HIBADH: variants seen among roughly 807,000 people sequenced by gnomAD.
HIBADH encodes 3-hydroxyisobutyrate dehydrogenase.
Under a neutral mutation model 36.1 loss-of-function variants are expected in HIBADH, and 25 were observed. The observed-to-expected ratio is 0.69, with a 90% CI of 0.50 to 0.97. The LOEUF (loss-of-function observed/expected upper bound fraction) is 0.97. Among genes scored for constraint, HIBADH ranks in the 50% least tolerant of loss-of-function variants. HIBADH has a pLI of 0.00. For missense variants in HIBADH, 421 were observed against 418.0 expected (o/e 1.01, Z -0.06); for synonymous variants, 160 against 149.5 (o/e 1.07, Z -0.51).
intron 4 of HIBADH, among the ~76,000 whole-genome samples, chr7:27,611,081 G>A (rs547382586): frequency 7.9e-5 from 12 of 152,148 alleles, no homozygotes; most frequent in Non-Finnish European, 1.2e-4. Flanking sequence ...ACTCAGCCAA[G>A]TAGAGTATAA....
At chr7:27,650,867 G>A (rs928139015) in intron 1 of HIBADH, among the ~76,000 whole-genome samples, 5 of 152,074 alleles carry the variant, frequency 3.3e-5, no homozygotes, top group African/African-American at 1.2e-4. Context: ...AATAGCGTTA[G>A]ATGCAATTTT....
At chr7:27,654,610 C>A (rs993441961) in intron 1 of HIBADH, among the ~76,000 whole-genome samples, 1 of 151,730 alleles carries the variant, frequency 6.6e-6, no homozygotes, top group African/African-American at 2.4e-5. Flanking sequence ...AATCTATAAC[C>A]AAGAAAAATA....
intron 4 of HIBADH, among the ~76,000 whole-genome samples, chr7:27,611,622 C>T (rs1396218107): frequency 6.6e-6 from 1 of 152,140 alleles, no homozygotes; most frequent in African/African-American, 2.4e-5. Flanking sequence ...GTTAATAGGG[C>T]ATCATACTTA....
chr7:27,528,576 CCTAA>C (rs1783947505), intron 7 of HIBADH, among the ~76,000 whole-genome samples: 2 of 152,110 alleles, frequency 1.3e-5, no homozygotes, highest in African/African-American at 4.8e-5. Context: ...AGAACAAGGC[CCTAA>C]CTTTCTTCAA....
chr7:27,529,903 G>C (rs1783966463), intron 7 of HIBADH, among the ~76,000 whole-genome samples: 1 of 152,146 alleles, frequency 6.6e-6, no homozygotes, highest in South Asian at 2.1e-4. Flanking sequence ...CGCCACCCTG[G>C]TCAATCACCA....
chr7:27,599,490 G>A (rs1345733168), intron 4 of HIBADH, among the ~76,000 whole-genome samples: 1 of 151,806 alleles, frequency 6.6e-6, no homozygotes, highest in East Asian at 1.9e-4. Flanking sequence ...AGACGATCCT[G>A]GCTAACACGG....
intron 7 of HIBADH, among the ~76,000 whole-genome samples, chr7:27,529,460 A>G (rs1038591965): frequency 1.3e-5 from 2 of 152,214 alleles, no homozygotes; most frequent in Non-Finnish European, 2.9e-5. Context: ...GCTGATTCCA[A>G]TGCTCATGGA....
At chr7:27,555,229 A>G (rs373778283) in intron 4 of HIBADH, among the ~76,000 whole-genome samples, 1 of 151,934 alleles carries the variant, frequency 6.6e-6, no homozygotes, top group African/African-American at 2.4e-5. Context: ...TAATGGTGGT[A>G]ATTTAAGTGG....
chr7:27,559,603 GC>G (rs1392843369), intron 4 of HIBADH, among the ~76,000 whole-genome samples: 1 of 152,072 alleles, frequency 6.6e-6, no homozygotes, highest in Non-Finnish European at 1.5e-5. Flanking sequence ...CTGCAGAGCA[GC>G]CCAGCCTAGG....
chr7:27,642,131 A>G (rs1379178912), intron 2 of HIBADH, among the ~76,000 whole-genome samples: 7 of 152,214 alleles, frequency 4.6e-5, no homozygotes, highest in Non-Finnish European at 8.8e-5. Context: ...ACCCAGTGAC[A>G]TATTGCAAGG....
At chr7:27,600,204 A>G (rs1158926449) in intron 4 of HIBADH, among the ~76,000 whole-genome samples, 1 of 152,052 alleles carries the variant, frequency 6.6e-6, no homozygotes, top group Non-Finnish European at 1.5e-5. Context: ...ATAACAATCT[A>G]CCCTTTTAAA....
intron 4 of HIBADH, among the ~76,000 whole-genome samples, chr7:27,560,484 A>G (rs1229497346): frequency 6.6e-6 from 1 of 152,180 alleles, no homozygotes; most frequent in East Asian, 1.9e-4. Context: ...GTTTTTGGTT[A>G]CATGGATGAA....
intron 7 of HIBADH, among the ~76,000 whole-genome samples, chr7:27,530,931 C>T (rs372773721): frequency 1.3e-5 from 2 of 151,792 alleles, no homozygotes; most frequent in African/African-American, 2.4e-5. Flanking sequence ...AACCCAAGTG[C>T]GCACACACAC....
intron 4 of HIBADH, among the ~76,000 whole-genome samples, chr7:27,592,542 T>C (rs992594725): frequency 2.0e-5 from 3 of 152,192 alleles, no homozygotes; most frequent in African/African-American, 7.2e-5. Flanking sequence ...CCATTCATCC[T>C]ATGAGTTATT....
chr7:27,526,413 TA>T, intron 7 of HIBADH, 41 bp from the exon 8 acceptor site: 2 of 1,548,238 alleles, frequency 1.3e-6, no homozygotes, highest in South Asian at 1.2e-5. Flanking sequence ...AGACTGGTGG[TA>T]AAGGCTCTTT....
At chr7:27,563,001 A>G (rs983214200) in intron 4 of HIBADH, among the ~76,000 whole-genome samples, 1 of 152,178 alleles carries the variant, frequency 6.6e-6, no homozygotes, top group Non-Finnish European at 1.5e-5. Flanking sequence ...TTCAACCACC[A>G]TCATCAGTGA....
At position 27,662,817 on chromosome 7, in the gene HIBADH, C is replaced by G. The variant is rs1472239529; in HGVS notation, c.-29G>C. 9.7e-6 allele frequency: 14 copies of G among 1,446,320 alleles called. No homozygotes were observed. The East Asian group carries it at 2.7e-4, about 28-fold the overall frequency. The allele number at this position is 1,446,320 out of a possible 1,614,324, so 89.6% of individuals were successfully genotyped here. A position where few individuals can be genotyped will look rare whatever the true frequency, so the allele number is the denominator to read the frequency against. The stretch of plus-strand genomic sequence containing the variant: ...GCGCCCGCCCCTCTCCCCGCGGTGA[C>G]CTCCGCCGCCTCCCGGAGGGCCCAC... On this transcript the variant is annotated 5_prime_UTR_variant, in exon 1 of 8. Transcript: ENST00000265395.
chr7:27,566,500 G>A (rs1784551218), intron 4 of HIBADH, among the ~76,000 whole-genome samples: 1 of 152,008 alleles, frequency 6.6e-6, no homozygotes, highest in Non-Finnish European at 1.5e-5. Flanking sequence ...TTCAAAAGTA[G>A]CAGCCTTGGG....
chr7:27,596,728 C>T (rs1017928817), intron 4 of HIBADH, among the ~76,000 whole-genome samples: 1 of 152,142 alleles, frequency 6.6e-6, no homozygotes, highest in Non-Finnish European at 1.5e-5. Context: ...GTTTTGGATT[C>T]CAGATTCTTT....
Sources: gnomAD v4.1 joint callset for allele counts (sites outside exome capture counted in the v4.1 genomes callset) on GRCh38, gnomAD v4.1.1 for gene constraint, MANE v1.5 for transcripts, NCBI Gene and HGNC (gene_info 2026-07-23, HGNC 2026-07-21) for gene names.